Variants in ANK3 observed in about 807,000 individuals in gnomAD.
The protein encoded by ANK3 is ankyrin 3.
In ANK3, 57 loss-of-function variants were observed where a neutral mutation model predicts 370.9. The observed-to-expected ratio is 0.15, with a 90% CI of 0.12 to 0.19. The LOEUF (loss-of-function observed/expected upper bound fraction) is 0.19. Among genes scored for constraint, ANK3 ranks in the 10% least tolerant of loss-of-function variants. ANK3 has a pLI of 1.00. For missense variants in ANK3, 4,439 were observed against 5,302.1 expected (o/e 0.84, Z 5.06); for synonymous variants, 1,929 against 1,946.3 (o/e 0.99, Z 0.23).
In ANK3 at chr10:60,633,855, C is replaced by G. The variant is rs187830761; in HGVS notation, c.58-18631G>C. 3.9e-3 allele frequency among the ~76,000 whole-genome samples: 594 copies of G among 152,236 alleles called. 15 individuals carry two copies. The highest frequency in any genetic ancestry group is 1.2e-3 in the Non-Finnish European group (79 of 68,016). On this transcript the variant is annotated intron_variant, in intron 1 of 43. Transcript: ENST00000373827. ...CATTTTCTCTTAAGTTGAAAATCCACGCTTGCCACTGAATATCTGCTGTTG... is the reference window on the plus strand; with the variant it reads ...CATTTTCTCTTAAGTTGAAAATCCAGGCTTGCCACTGAATATCTGCTGTTG...
intron 2 of ANK3, among the ~76,000 whole-genome samples, chr10:60,438,637 C>A (rs926849095): frequency 1.3e-5 from 2 of 152,168 alleles, no homozygotes; most frequent in African/African-American, 2.4e-5. Context: ...TAAAAAGTTT[C>A]TATTAAGTGA....
At chr10:60,174,223 G>T (rs2095865894) in intron 18 of ANK3, among the ~76,000 whole-genome samples, 1 of 152,148 alleles carries the variant, frequency 6.6e-6, no homozygotes, top group African/African-American at 2.4e-5. Context: ...TACCTTACCA[G>T]GGATGTGCTG....
chr10:60,585,213 T>C (rs1404880631), intron 2 of ANK3, among the ~76,000 whole-genome samples: 1 of 152,164 alleles, frequency 6.6e-6, no homozygotes, highest in African/African-American at 2.4e-5. Flanking sequence ...TAGAGAGCCT[T>C]GATGTATACA....
At chr10:60,725,913 A>G (rs1472526234) in intron 1 of ANK3, among the ~76,000 whole-genome samples, 1 of 152,202 alleles carries the variant, frequency 6.6e-6, no homozygotes, top group Non-Finnish European at 1.5e-5. Flanking sequence ...TTGTTTACTC[A>G]TCTATGCATT....
In ANK3 at chr10:60,339,164, T is replaced by C. The variant is rs145602658; in HGVS notation, c.114+50261A>G. On this transcript the variant is annotated intron_variant, in intron 1 of 43. Transcript: ENST00000280772. The stretch of plus-strand genomic sequence containing the variant: ...ATTAAGTGGTACATTTTGAAATTGC[T>C]GCATAGCTATATGGTTTCCACTAAC... Among the ~76,000 whole-genome samples, 82 of 152,182 alleles carry C rather than the reference T, an allele frequency of 5.4e-4. No homozygotes were observed. In the East Asian group the frequency reaches 8.9e-3, roughly 17 times the overall value.
chr10:60,363,917 TAAC>T (rs2059009663), intron 1 of ANK3, among the ~76,000 whole-genome samples: 1 of 150,556 alleles, frequency 6.6e-6, no homozygotes, highest in South Asian at 2.1e-4. Context: ...ATTTTTAAGC[TAAC>T]AACAAAGGTG....
intron 1 of ANK3, among the ~76,000 whole-genome samples, chr10:60,716,794 G>A (rs924411532): frequency 6.6e-5 from 10 of 152,164 alleles, no homozygotes; most frequent in East Asian, 1.9e-4. Flanking sequence ...GGGATTACAG[G>A]CATGAACCAC....
chr10:60,692,291 G>C (rs2079365797), intron 1 of ANK3, among the ~76,000 whole-genome samples: 1 of 152,206 alleles, frequency 6.6e-6, no homozygotes. Flanking sequence ...ACACCCAGCT[G>C]CTGTACATCT....
At chr10:60,731,002 A>C (rs533616816) in intron 1 of ANK3, among the ~76,000 whole-genome samples, 32 of 152,340 alleles carry the variant, frequency 2.1e-4, no homozygotes, top group African/African-American at 7.7e-4. Context: ...TATAATCTCC[A>C]ATTTGGATTA....
At chr10:60,396,244 T>G (rs1379270865) in intron 2 of ANK3, among the ~76,000 whole-genome samples, 1 of 152,202 alleles carries the variant, frequency 6.6e-6, no homozygotes, top group African/African-American at 2.4e-5. Flanking sequence ...AGTGACCAGA[T>G]AGGGAACAAT....
At chr10:60,599,928 C>T (rs1001594260) in intron 2 of ANK3, among the ~76,000 whole-genome samples, 3 of 151,988 alleles carry the variant, frequency 2.0e-5, no homozygotes, top group African/African-American at 7.2e-5. Flanking sequence ...GGTTTTGTTT[C>T]GTTTTGTTTT....
rs539976002 is a variant in ANK3 at position 60,205,307 on chromosome 10, C to T, written c.1293+485G>A. 5.9e-5 allele frequency among the ~76,000 whole-genome samples: 9 copies of T among 152,276 alleles called. No homozygotes were observed. In the East Asian group the frequency reaches 1.2e-3, roughly 20 times the overall value. On this transcript the variant is annotated intron_variant, in intron 11 of 43. Transcript: ENST00000280772. ...TGTGCAGGGTTTCTCAACCTCAGCA[C>T]ATTTGACATTTTGAATCAGACGACT...
intron 43 of ANK3, among the ~76,000 whole-genome samples, chr10:60,038,307 G>C (rs1481017168): frequency 6.6e-6 from 1 of 152,200 alleles, no homozygotes; most frequent in Non-Finnish European, 1.5e-5. Context: ...TGGGGCATGA[G>C]AATTGCTTGA....
intron 1 of ANK3, among the ~76,000 whole-genome samples, chr10:60,328,575 C>T (rs956026186): frequency 6.6e-6 from 1 of 152,060 alleles, no homozygotes; most frequent in Non-Finnish European, 1.5e-5. Flanking sequence ...TACACCCTCC[C>T]AAGACTAAAC....
intron 11 of ANK3, among the ~76,000 whole-genome samples, chr10:60,204,354 G>C (rs114623732): frequency 6.6e-6 from 1 of 152,048 alleles, no homozygotes; most frequent in Non-Finnish European, 1.5e-5. Flanking sequence ...CATCAGCCAA[G>C]AATTTACTTT....
chr10:60,387,794 C>G (rs1378860586), intron 1 of ANK3, among the ~76,000 whole-genome samples: 1 of 152,160 alleles, frequency 6.6e-6, no homozygotes, highest in African/African-American at 2.4e-5. Context: ...TCACCCCTTC[C>G]CTATTTTGCT....
At chr10:60,440,854 G>T (rs2064282182) in intron 2 of ANK3, among the ~76,000 whole-genome samples, 1 of 152,180 alleles carries the variant, frequency 6.6e-6, no homozygotes. Flanking sequence ...TGTGTGTGAG[G>T]TGGCATATAG....
At chr10:60,431,081 C>G (rs139987688) in intron 2 of ANK3, among the ~76,000 whole-genome samples, 2 of 152,122 alleles carry the variant, frequency 1.3e-5, no homozygotes, top group Non-Finnish European at 2.9e-5. Flanking sequence ...ATATTTATTG[C>G]GTACTTTGTT....
At chr10:60,162,224 G>C (rs2095517772) in intron 23 of ANK3, among the ~76,000 whole-genome samples, 1 of 152,074 alleles carries the variant, frequency 6.6e-6, no homozygotes, top group Non-Finnish European at 1.5e-5. Context: ...ATGCAGTGTT[G>C]TTTGCAAGTA....
Sources: allele counts gnomAD v4.1 joint callset (sites outside exome capture counted in the v4.1 genomes callset), GRCh38; gene constraint gnomAD v4.1.1; transcripts MANE v1.5; gene names NCBI Gene and HGNC (gene_info 2026-07-23, HGNC 2026-07-21).